NOS1AP: variants seen among roughly 807,000 people sequenced by gnomAD.
The protein encoded by NOS1AP is carboxyl-terminal PDZ ligand of neuronal nitric oxide synthase protein.
In NOS1AP, 21 loss-of-function variants were observed where a neutral mutation model predicts 56.2. The observed-to-expected ratio is 0.37, with a 90% CI of 0.26 to 0.54. NOS1AP has a LOEUF of 0.54. Ranked by LOEUF, NOS1AP falls within the 20% of genes least tolerant of loss-of-function variation. The pLI is 0.84. For missense variants in NOS1AP, 522 were observed against 657.8 expected, an observed-to-expected ratio of 0.79 and a Z score of 2.26; for synonymous variants, 270 against 274.6, an observed-to-expected ratio of 0.98 and a Z score of 0.17.
chr1:162,345,313 C>G (rs868244058), intron 6 of NOS1AP, among the ~76,000 whole-genome samples: 58 of 124,830 alleles, frequency 4.6e-4, no homozygotes, highest in African/African-American at 1.6e-3. Context: ...CCCCTCCCCC[C>G]ACCCCACAAC....
At chr1:162,189,826 G>A (rs1398152191) in intron 2 of NOS1AP, among the ~76,000 whole-genome samples, 1 of 152,186 alleles carries the variant, frequency 6.6e-6, no homozygotes, top group Non-Finnish European at 1.5e-5. Context: ...TCTGAGGAGG[G>A]GTAATTTGAG....
At chr1:162,099,619 A>G (rs1207377708) in intron 1 of NOS1AP, among the ~76,000 whole-genome samples, 2 of 125,026 alleles carry the variant, frequency 1.6e-5, no homozygotes, top group South Asian at 6.1e-4. Flanking sequence ...GGCTGCATGT[A>G]TGTTTTCTTT....
intron 2 of NOS1AP, among the ~76,000 whole-genome samples, chr1:162,183,053 T>C (rs1039902774): frequency 6.6e-6 from 1 of 152,236 alleles, no homozygotes; most frequent in African/African-American, 2.4e-5. Flanking sequence ...CTATGGCAGC[T>C]GTAGCCTTAC....
At chr1:162,081,774 A>ATATATTT in intron 1 of NOS1AP, among the ~76,000 whole-genome samples, 2 of 44,018 alleles carry the variant, frequency 4.5e-5, no homozygotes, top group African/African-American at 1.5e-4. Flanking sequence ...ATATATATAT[A>ATATATTT]TTTTTTTTTT....
chr1:162,238,177 G>C (rs1235878563), intron 2 of NOS1AP, among the ~76,000 whole-genome samples: 1 of 152,068 alleles, frequency 6.6e-6, no homozygotes, highest in Non-Finnish European at 1.5e-5. Context: ...ACAATGTGTG[G>C]ACTTGAATAG....
At chr1:162,165,862 C>T (rs1223160507) in intron 2 of NOS1AP, among the ~76,000 whole-genome samples, 2 of 152,188 alleles carry the variant, frequency 1.3e-5, no homozygotes, top group Non-Finnish European at 2.9e-5. Context: ...GTGACACTCC[C>T]ATTTGGATAT....
chr1:162,129,165 T>A (rs1416561242), intron 1 of NOS1AP, among the ~76,000 whole-genome samples: 1 of 152,142 alleles, frequency 6.6e-6, no homozygotes, highest in Non-Finnish European at 1.5e-5. Flanking sequence ...TGTTCGTTCC[T>A]CTTTATGACT....
At position 162,125,157 on chromosome 1, in the gene NOS1AP, G is replaced by A. The variant is rs1383662287; in HGVS notation, c.106-29248G>A. On this transcript the variant is annotated intron_variant, in intron 1 of 9. Transcript: ENST00000361897. Reference sequence around the variant, plus strand: ...TTTTTTTTTTTTTTTTTTTTAAGACGGAGTCTCACACTCTCACCTGGGCTG... The same window carrying A: ...TTTTTTTTTTTTTTTTTTTTAAGACAGAGTCTCACACTCTCACCTGGGCTG... Among the ~76,000 whole-genome samples, 8 of 131,920 alleles carry A rather than the reference G, an allele frequency of 6.1e-5. No homozygotes were observed. The South Asian group carries it at 1.3e-3, about 22-fold the overall frequency. 86.5% of individuals were successfully genotyped at this position (131,920 alleles called of 152,430 possible). A position where few individuals can be genotyped will look rare whatever the true frequency, so the allele number is the denominator to read the frequency against.
At chr1:162,337,652 G>T (rs778390594) in intron 5 of NOS1AP, among the ~76,000 whole-genome samples, 5 of 152,192 alleles carry the variant, frequency 3.3e-5, no homozygotes, top group Admixed American at 6.5e-5. Context: ...TTGTAACTCA[G>T]ACTTCTTTTC....
chr1:162,154,491 G>A lies in NOS1AP; in HGVS notation c.177+15G>A. 1 of 1,613,588 alleles carries A rather than the reference G, an allele frequency of 6.2e-7. No homozygotes were observed. The highest frequency in any genetic ancestry group is 8.5e-7 in the Non-Finnish European group (1 of 1,179,576). ...GCCGGATACGGGTGAGTGGCCAGAG[G>A]TGGACTGTGTGGAGCGGGGAGTCAA... On this transcript the variant is annotated intron_variant, in intron 2 of 9. Transcript: ENST00000361897.
At position 162,311,593 on chromosome 1, in the gene NOS1AP, T is replaced by A. The variant is rs542928798; in HGVS notation, c.344+10887T>A. Among the ~76,000 whole-genome samples, 17 of 148,488 alleles carry A rather than the reference T, an allele frequency of 1.1e-4. No individual in the cohort carries two copies. In the East Asian group the frequency reaches 2.8e-3, roughly 24 times the overall value. On this transcript the variant is annotated intron_variant, in intron 4 of 9. Transcript: ENST00000361897. ...CACCCTTTGTTTTCTTTTTTTTTTT[T>A]AATTATACTTTAAGTTTTAGGGTAC...
At chr1:162,259,914 G>A (rs971442697) in intron 2 of NOS1AP, among the ~76,000 whole-genome samples, 1 of 152,050 alleles carries the variant, frequency 6.6e-6, no homozygotes, top group African/African-American at 2.4e-5. Context: ...TTTCTCCTAA[G>A]AAACTAAGAT....
chr1:162,262,820 CATTT>C (rs1339751943), intron 2 of NOS1AP, among the ~76,000 whole-genome samples: 7 of 152,196 alleles, frequency 4.6e-5, no homozygotes, highest in Admixed American at 1.3e-4. Flanking sequence ...TAACCAGACT[CATTT>C]ATCGAGCCCT....
intron 9 of NOS1AP, among the ~76,000 whole-genome samples, chr1:162,365,914 A>G (rs1478164463): frequency 1.3e-5 from 2 of 152,168 alleles, no homozygotes; most frequent in Non-Finnish European, 1.5e-5. Context: ...ATCAACAAAC[A>G]GTATACTTGG....
At chr1:162,091,168 G>T (rs1692121197) in intron 1 of NOS1AP, among the ~76,000 whole-genome samples, 1 of 151,952 alleles carries the variant, frequency 6.6e-6, no homozygotes, top group Non-Finnish European at 1.5e-5. Context: ...GCTTCATTTT[G>T]ATTCTGTTCC....
rs188033433 is a variant in NOS1AP, at chr1:162,180,956, C to T, written c.177+26480C>T. On this transcript the variant is annotated intron_variant, in intron 2 of 9. Transcript: ENST00000361897. Reference sequence around the variant, plus strand: ...AAAACATTCCCTGTTCAGTCATCCTCCCCTTAACAGCAGCATCTATTCTCA... The same window carrying T: ...AAAACATTCCCTGTTCAGTCATCCTTCCCTTAACAGCAGCATCTATTCTCA... 6.6e-5 allele frequency among the ~76,000 whole-genome samples: 10 copies of T among 152,338 alleles called. No homozygotes were observed. In the East Asian group the frequency reaches 1.5e-3, roughly 24 times the overall value.
intron 2 of NOS1AP, among the ~76,000 whole-genome samples, chr1:162,183,792 G>A (rs960176897): frequency 6.6e-6 from 1 of 152,232 alleles, no homozygotes; most frequent in Admixed American, 6.5e-5. Context: ...TTAGGCTTTG[G>A]CTTAGGAGAA....
chr1:162,356,822 C>T, intron 7 of NOS1AP, 138 bp from the exon 8 acceptor site: 1 of 1,578,984 alleles, frequency 6.3e-7, no homozygotes, highest in Non-Finnish European at 8.6e-7. Flanking sequence ...ACTCCCATTT[C>T]CATTGAAGAT....
At chr1:162,287,042 G>C (rs1007759217) in intron 2 of NOS1AP, among the ~76,000 whole-genome samples, 1 of 152,178 alleles carries the variant, frequency 6.6e-6, no homozygotes, top group Non-Finnish European at 1.5e-5. Flanking sequence ...ATGATAGAAT[G>C]AGTTATTGAG....
Sources: allele counts gnomAD v4.1 joint callset (sites outside exome capture counted in the v4.1 genomes callset), GRCh38; gene constraint gnomAD v4.1.1; transcripts MANE v1.5; gene names NCBI Gene and HGNC (gene_info 2026-07-23, HGNC 2026-07-21).